TENM2: variants seen among roughly 807,000 people sequenced by gnomAD.
TENM2 encodes teneurin-2.
TENM2 carries 52 observed loss-of-function variants against 245.2 expected under a neutral mutation model. The ratio of observed to expected loss-of-function variants is 0.21; its 90% CI spans 0.17 to 0.27. The LOEUF is 0.27. Among genes scored for constraint, TENM2 ranks in the 10% least tolerant of loss-of-function variants. The probability of loss-of-function intolerance (pLI) is 1.00; values close to 1 mark genes in which losing one functional copy is unlikely to be tolerated. For missense variants in TENM2, 3,046 were observed against 3,666.8 expected (o/e 0.83, Z 4.37); for synonymous variants, 1,363 against 1,438.9 (o/e 0.95, Z 1.19).
At chr5:168,185,939 T>A (rs1261134138) in intron 13 of TENM2, among the ~76,000 whole-genome samples, 1 of 5,884 alleles carries the variant, frequency 1.7e-4, no homozygotes, top group Non-Finnish European at 2.9e-4. Context: ...TATATATATA[T>A]ATATATATAT....
At chr5:168,100,696 G>C (rs1406543905) in intron 9 of TENM2, among the ~76,000 whole-genome samples, 1 of 152,036 alleles carries the variant, frequency 6.6e-6, no homozygotes. Context: ...AGAACACATG[G>C]ACACAGGGAG....
At chr5:167,709,803 G>A (rs1201378853) in intron 2 of TENM2, among the ~76,000 whole-genome samples, 2 of 152,164 alleles carry the variant, frequency 1.3e-5, no homozygotes, top group African/African-American at 2.4e-5. Context: ...GAAACCAAAA[G>A]CGAGAGTGAG....
chr5:167,719,492 G>C (rs2150512257), intron 2 of TENM2, among the ~76,000 whole-genome samples: 1 of 152,374 alleles, frequency 6.6e-6, no homozygotes, highest in Middle Eastern at 3.4e-3. Flanking sequence ...CACAGGAAAA[G>C]ATGTGTTTCT....
intron 2 of TENM2, among the ~76,000 whole-genome samples, chr5:167,732,152 G>A (rs1760484610): frequency 6.6e-6 from 1 of 152,140 alleles, no homozygotes; most frequent in Non-Finnish European, 1.5e-5. Flanking sequence ...TGAAATTTTT[G>A]AATTCCAATT....
rs1763431432 is a variant in TENM2, at chr5:168,218,855, A to G, written c.4964A>G (p.Gln1655Arg). Residue 1655 changes from glutamine (Q) to arginine (R), a missense_variant, in exon 23 of 29, where the codon CAG becomes CGG. By Grantham distance (43) the Gln-to-Arg change is conservative. This residue lies in a region of TENM2 where 2,704 missense variants were observed against 3,331.9 expected (regional missense o/e 0.81). Transcript: ENST00000518659. The surrounding 1 kb of genome is among the most constrained non-coding windows in gnomAD (Gnocchi z 5.2). ...CGTCACCTGCTCATGCCTGACAACC[A>G]GATCATCACCCTCACCGTGGGCACC... 6.2e-7 allele frequency: 1 copy of G among 1,613,930 alleles called. No individual in the cohort carries two copies. The highest frequency in any genetic ancestry group is 1.3e-5 in the African/African-American group (1 of 74,928).
In TENM2 at chr5:167,792,043, G is replaced by A. The variant is rs1002840519; in HGVS notation, c.503-83943G>A. ...ATTGTTTTTCCTGTGGTAAAGAGGA[G>A]AGTAAACTATTTGTTATTCCTATGC... On this transcript the variant is annotated intron_variant, in intron 2 of 28. Coordinates refer to ENST00000518659, the Ensembl canonical transcript of TENM2. 5.3e-5 allele frequency among the ~76,000 whole-genome samples: 8 copies of A among 152,296 alleles called. No individual in the cohort carries two copies. The South Asian group carries it at 1.7e-3, about 32-fold the overall frequency.
At chr5:166,990,479 A>G in the TENM2 span, among the ~76,000 whole-genome samples, 1 of 152,194 alleles carries the variant, frequency 6.6e-6, no homozygotes, top group Non-Finnish European at 1.5e-5. Flanking sequence ...CTGAATTCTC[A>G]CATGGTTGGT....
At chr5:168,166,799 T>C (rs1001724198) in intron 13 of TENM2, among the ~76,000 whole-genome samples, 1 of 152,168 alleles carries the variant, frequency 6.6e-6, no homozygotes, top group African/African-American at 2.4e-5. Context: ...TTCACTCAAA[T>C]ATGCTCTGTA....
chr5:167,611,014 T>C (rs2127749476), intron 2 of TENM2, among the ~76,000 whole-genome samples: 1 of 152,310 alleles, frequency 6.6e-6, no homozygotes, highest in East Asian at 1.9e-4. Flanking sequence ...TCCTGCTGTT[T>C]TAATGTAGAT....
chr5:168,155,942 T>G (rs1301772447), intron 12 of TENM2, among the ~76,000 whole-genome samples: 1 of 147,054 alleles, frequency 6.8e-6, no homozygotes, highest in Non-Finnish European at 1.5e-5. Flanking sequence ...TACGGTCTTG[T>G]GACCATCCCT....
At chr5:168,212,706 C>A (rs567638842) in intron 20 of TENM2, among the ~76,000 whole-genome samples, 2 of 152,248 alleles carry the variant, frequency 1.3e-5, no homozygotes, top group African/African-American at 2.4e-5. Flanking sequence ...GTTATAGGCA[C>A]CCCATTTGAG....
chr5:167,515,636 T>C (rs1240717989), intron 2 of TENM2, among the ~76,000 whole-genome samples: 2 of 143,090 alleles, frequency 1.4e-5, no homozygotes, highest in African/African-American at 5.2e-5. Context: ...TATACATATA[T>C]ATGTATATAT....
chr5:167,874,626 G>A (rs1400596606), intron 2 of TENM2, among the ~76,000 whole-genome samples: 1 of 152,090 alleles, frequency 6.6e-6, no homozygotes, highest in African/African-American at 2.4e-5. Context: ...TCATTTTCCT[G>A]AACTTCCCAA....
the TENM2 span, among the ~76,000 whole-genome samples, chr5:167,233,339 C>T: frequency 0.21 from 31,590 of 151,922 alleles, 3,827 homozygotes; most frequent in African/African-American, 0.34. Flanking sequence ...AGGAAGATAG[C>T]GGCCCCCCTT....
chr5:167,755,722 G>C (rs1762269069), intron 2 of TENM2, among the ~76,000 whole-genome samples: 2 of 152,156 alleles, frequency 1.3e-5, no homozygotes, highest in African/African-American at 4.8e-5. Context: ...CAGGGGAAAT[G>C]ATCCATTCTG....
chr5:167,705,993 T>TATATATATATA, intron 2 of TENM2, among the ~76,000 whole-genome samples: 1 of 66,466 alleles, frequency 1.5e-5, no homozygotes, highest in African/African-American at 1.4e-4. Context: ...ATATATATAT[T>TATATATATATA]TATTTATTTA....
chr5:167,081,121 G>GA, the TENM2 span, among the ~76,000 whole-genome samples: 4 of 151,602 alleles, frequency 2.6e-5, no homozygotes, highest in South Asian at 2.1e-4. Context: ...ATTTTTATGA[G>GA]AAAAAATCAA....
intron 4 of TENM2, among the ~76,000 whole-genome samples, chr5:167,977,502 C>T (rs1782530393): frequency 6.6e-6 from 1 of 151,960 alleles, no homozygotes; most frequent in South Asian, 2.1e-4. Context: ...AGAATATAAA[C>T]CCCACTAGGC....
intron 9 of TENM2, among the ~76,000 whole-genome samples, chr5:168,116,780 G>T (rs34454819): frequency 1.3e-5 from 2 of 152,054 alleles, no homozygotes; most frequent in African/African-American, 4.8e-5. Context: ...GAGGCTGGGT[G>T]GGGCAGGTGA....
Sources: gnomAD v4.1 joint callset for allele counts (sites outside exome capture counted in the v4.1 genomes callset) on GRCh38, gnomAD v4.1.1 for gene constraint, gnomAD v4.1.1 regional missense constraint, Gnocchi (gnomAD v3.1) non-coding constraint, MANE v1.5 for transcripts, NCBI Gene and HGNC (gene_info 2026-07-23, HGNC 2026-07-21) for gene names.